The following PAX5 variants were observed in gnomAD, a reference collection of about 807,000 sequenced individuals.
The protein encoded by PAX5 is paired box protein Pax-5.
Under a neutral mutation model 43.7 loss-of-function variants are expected in PAX5, and 9 were observed. The observed-to-expected ratio is 0.21, with a 90% CI of 0.12 to 0.36. The LOEUF (loss-of-function observed/expected upper bound fraction) is 0.36, where lower values mean the gene tolerates loss of function less well. PAX5 is among the 10% of genes least tolerant of loss of function. PAX5 has a pLI of 1.00. For synonymous variants in PAX5, 228 were observed against 214.3 expected (o/e 1.06, Z -0.56); for missense variants, 383 against 532.7 (o/e 0.72, Z 2.77).
chr9:36,922,924 G>A lies in PAX5; in HGVS notation c.910+431C>T, dbSNP rs533667478. 9 of 168,300 alleles carry A rather than the reference G, an allele frequency of 5.3e-5. No homozygotes were observed. The South Asian group carries it at 8.5e-4, about 16-fold the overall frequency. 10.4% of individuals were successfully genotyped at this position (168,300 alleles called of 1,614,324 possible). A position where few individuals can be genotyped will look rare whatever the true frequency, so the allele number is the denominator to read the frequency against. On this transcript the variant is annotated intron_variant, in intron 7 of 9. Transcript: ENST00000358127. The stretch of plus-strand genomic sequence containing the variant: ...ATCCACCATGCACCATCCAGCTTAC[G>A]CCACCTACCCTTCTTGACTCAGATT...
At chr9:36,943,466 A>T (rs757054811) in intron 6 of PAX5, among the ~76,000 whole-genome samples, 3 of 151,574 alleles carry the variant, frequency 2.0e-5, no homozygotes, top group Non-Finnish European at 2.9e-5. Flanking sequence ...AATAAAGCTG[A>T]TCTTACTTGC....
chr9:36,863,757 T>C (rs1313795224), intron 8 of PAX5, among the ~76,000 whole-genome samples: 4 of 152,136 alleles, frequency 2.6e-5, no homozygotes, highest in Admixed American at 1.3e-4. Context: ...AATGGGAGCA[T>C]TGCAAAAAAC....
At position 36,834,908 on chromosome 9, in the gene PAX5, C is replaced by T. The variant is rs1195960524; in HGVS notation, c.*5652G>A. On this transcript the variant is annotated 3_prime_UTR_variant, in exon 10 of 10. Coordinates refer to ENST00000358127, the MANE Select transcript of PAX5 (RefSeq NM_016734.3). ...GCCTCCTCCTGCCAGGCCTCAGAGTCGGGGAGGAGATGCACGACTGCCAAG... is the reference window on the plus strand; with the variant it reads ...GCCTCCTCCTGCCAGGCCTCAGAGTTGGGGAGGAGATGCACGACTGCCAAG... 3.0e-5 allele frequency: 7 copies of T among 232,034 alleles called. No individual in the cohort carries two copies. Among genetic ancestry groups the T allele is most frequent in the Middle Eastern group, 1.3e-3 (1 of 782 alleles). The allele number at this position is 232,034 out of a possible 1,614,324, so 14.4% of individuals were successfully genotyped here.
rs1183760728 is a variant in PAX5 at position 36,840,673 on chromosome 9, G to A, written c.1100-37C>T. 1.5e-5 allele frequency: 21 copies of A among 1,400,884 alleles called. 1 individual carries two copies. Among genetic ancestry groups the A allele is most frequent in the South Asian group, 1.0e-4 (8 of 76,808 alleles). 86.8% of individuals were successfully genotyped at this position (1,400,884 alleles called of 1,614,324 possible). A position where few individuals can be genotyped will look rare whatever the true frequency, so the allele number is the denominator to read the frequency against. ...GGGAGAGAGCACCGAGGTCAGATCCGGGGTCCCCTTTCCACCAGTCTCCTC... is the reference window on the plus strand; with the variant it reads ...GGGAGAGAGCACCGAGGTCAGATCCAGGGTCCCCTTTCCACCAGTCTCCTC... On this transcript the variant is annotated intron_variant, in intron 9 of 9. Coordinates refer to ENST00000358127, the MANE Select transcript of PAX5 (RefSeq NM_016734.3).
At chr9:36,907,879 G>A (rs571740730) in intron 7 of PAX5, among the ~76,000 whole-genome samples, 14 of 152,206 alleles carry the variant, frequency 9.2e-5, no homozygotes, top group Admixed American at 2.0e-4. Flanking sequence ...ACAGATTGCT[G>A]TACATACTTC....
intron 5 of PAX5, among the ~76,000 whole-genome samples, chr9:36,973,083 C>CGGAAA (rs1171700120): frequency 0.046 from 3,403 of 73,632 alleles, 149 homozygotes; most frequent in Middle Eastern, 0.076. Flanking sequence ...CGGAACGGAA[C>CGGAAA]GGAAAGGAAA....
intron 7 of PAX5, among the ~76,000 whole-genome samples, chr9:36,909,853 G>C (rs1049527196): frequency 9.7e-6 from 1 of 103,002 alleles, no homozygotes; most frequent in Non-Finnish European, 1.8e-5. Flanking sequence ...ATAGGGTTTC[G>C]ATCCTTTGCC....
At chr9:36,907,771 C>A (rs1048676062) in intron 7 of PAX5, among the ~76,000 whole-genome samples, 1 of 152,192 alleles carries the variant, frequency 6.6e-6, no homozygotes, top group Non-Finnish European at 1.5e-5. Context: ...TGACATGTTT[C>A]TTTATGCACA....
Position 36,833,712 on chromosome 9 carries a change from T to C in PAX5, c.*6848A>G, listed in dbSNP as rs1304604247. On this transcript the variant is annotated 3_prime_UTR_variant, in exon 10 of 10. Transcript: ENST00000358127. ...GTCACTAAGAAAAAAACCACCAATATTTCAAGTCAGTTATTTTCTACTAGA... is the reference window on the plus strand; with the variant it reads ...GTCACTAAGAAAAAAACCACCAATACTTCAAGTCAGTTATTTTCTACTAGA... 1.3e-5 allele frequency: 3 copies of C among 232,996 alleles called. No homozygotes were observed. Among genetic ancestry groups the C allele is most frequent in the Non-Finnish European group, 2.5e-5 (3 of 118,026 alleles). The allele number at this position is 232,996 out of a possible 1,614,324, so 14.4% of individuals were successfully genotyped here. A position where few individuals can be genotyped will look rare whatever the true frequency, so the allele number is the denominator to read the frequency against.
At chr9:36,929,148 C>T (rs1260599937) in intron 6 of PAX5, among the ~76,000 whole-genome samples, 6 of 151,512 alleles carry the variant, frequency 4.0e-5, no homozygotes, top group African/African-American at 1.2e-4. Context: ...TTGCAGGCCA[C>T]CTCAAGTTCT....
chr9:36,995,338 G>A (rs1017187680), intron 5 of PAX5, among the ~76,000 whole-genome samples: 5 of 152,346 alleles, frequency 3.3e-5, no homozygotes, highest in African/African-American at 1.2e-4. Flanking sequence ...GGCAGGCCCT[G>A]AGTGGGCAAT....
At chr9:37,023,443 C>G (rs1304087856) in intron 1 of PAX5, among the ~76,000 whole-genome samples, 1 of 152,168 alleles carries the variant, frequency 6.6e-6, no homozygotes, top group Admixed American at 6.5e-5. Context: ...GGGACTGACA[C>G]AGAGACAGAG....
intron 9 of PAX5, among the ~76,000 whole-genome samples, chr9:36,842,086 G>A (rs1300071754): frequency 5.3e-5 from 8 of 152,298 alleles, no homozygotes; most frequent in South Asian, 2.1e-4. Flanking sequence ...GTACCTTGCT[G>A]TGCTGTTCCA....
At chr9:36,973,725 G>C (rs542773983) in intron 5 of PAX5, among the ~76,000 whole-genome samples, 4 of 152,142 alleles carry the variant, frequency 2.6e-5, no homozygotes, top group African/African-American at 4.8e-5. Flanking sequence ...TTTAAAAATG[G>C]CTGGGCATGG....
At chr9:36,929,097 T>C (rs573607031) in intron 6 of PAX5, among the ~76,000 whole-genome samples, 1 of 151,952 alleles carries the variant, frequency 6.6e-6, no homozygotes, top group African/African-American at 2.4e-5. Context: ...ATTTCTGAAC[T>C]TTTTTTCCAA....
At chr9:36,902,750 A>G (rs1828515052) in intron 7 of PAX5, among the ~76,000 whole-genome samples, 1 of 152,228 alleles carries the variant, frequency 6.6e-6, no homozygotes, top group Non-Finnish European at 1.5e-5. Flanking sequence ...AGCCACAGGT[A>G]TCTGTTTGAA....
chr9:36,968,424 G>A (rs1834633448), intron 5 of PAX5, among the ~76,000 whole-genome samples: 1 of 152,188 alleles, frequency 6.6e-6, no homozygotes, highest in African/African-American at 2.4e-5. Context: ...TTTGAACAAA[G>A]ATAGCAGCTT....
At chr9:36,899,811 A>G (rs935886910) in intron 7 of PAX5, among the ~76,000 whole-genome samples, 3 of 152,036 alleles carry the variant, frequency 2.0e-5, no homozygotes, top group African/African-American at 4.8e-5. Context: ...TCTCCTCACT[A>G]TGGCTTTCCT....
chr9:36,866,212 A>G (rs1824867754), intron 8 of PAX5, among the ~76,000 whole-genome samples: 1 of 152,254 alleles, frequency 6.6e-6, no homozygotes, highest in Admixed American at 6.5e-5. Flanking sequence ...AGGCCTAAAT[A>G]GAAGCCAAGA....
Sources: allele counts gnomAD v4.1 joint callset (sites outside exome capture counted in the v4.1 genomes callset), GRCh38; gene constraint gnomAD v4.1.1; transcripts MANE v1.5; gene names NCBI Gene and HGNC (gene_info 2026-07-23, HGNC 2026-07-21).